Variants in DTX1 observed in about 807,000 individuals in gnomAD.
DTX1 encodes deltex E3 ubiquitin ligase 1, also known as E3 ubiquitin-protein ligase DTX1.
In DTX1, 26 loss-of-function variants were observed where a neutral mutation model predicts 57.8. The observed-to-expected ratio is 0.45, with a 90% CI of 0.33 to 0.62. The LOEUF (loss-of-function observed/expected upper bound fraction) is 0.62, where lower values mean the gene tolerates loss of function less well. DTX1 is among the 20% of genes least tolerant of loss of function. The pLI, the probability that DTX1 is intolerant of heterozygous loss-of-function variation, is 0.02. For missense variants in DTX1, 704 were observed against 895.3 expected (o/e 0.79, Z 2.73); for synonymous variants, 398 against 394.1 (o/e 1.01, Z -0.12).
At chr12:113,065,925 G>A (rs1481553720) in intron 2 of DTX1, among the ~76,000 whole-genome samples, 1 of 152,124 alleles carries the variant, frequency 6.6e-6, no homozygotes, top group East Asian at 1.9e-4. Context: ...TTGGTGCATG[G>A]GGGTGCCTGG....
In DTX1 at chr12:113,097,045, G is replaced by A. The variant is rs934089763; in HGVS notation, c.*106G>A. On this transcript the variant is annotated 3_prime_UTR_variant, in exon 10 of 10. Transcript: ENST00000548759. ...CAGGTTCAGGGCTGGGGAGGAGCCT[G>A]CGGAAGGGGCCGCAGCCATTCAGGG... 3 of 1,277,872 alleles carry A rather than the reference G, an allele frequency of 2.3e-6. No homozygotes were observed. The highest frequency in any genetic ancestry group is 1.5e-5 in the African/African-American group (1 of 67,148). 79.2% of individuals were successfully genotyped at this position (1,277,872 alleles called of 1,614,324 possible).
chr12:113,079,927 G>A (rs1021731211), intron 3 of DTX1, among the ~76,000 whole-genome samples: 2 of 152,090 alleles, frequency 1.3e-5, no homozygotes, highest in African/African-American at 2.4e-5. Context: ...CCTCAGTTTT[G>A]TCATCTGTCA....
intron 3 of DTX1, among the ~76,000 whole-genome samples, chr12:113,083,617 C>T (rs1324081568): frequency 1.3e-5 from 2 of 152,246 alleles, no homozygotes; most frequent in Non-Finnish European, 2.9e-5. Flanking sequence ...TGAGCCACTG[C>T]GCCCGGCCAA....
intron 3 of DTX1, among the ~76,000 whole-genome samples, chr12:113,084,165 G>A (rs1592851247): frequency 6.6e-6 from 1 of 152,200 alleles, no homozygotes; most frequent in Non-Finnish European, 1.5e-5. Flanking sequence ...AACAGACAGG[G>A]CGGGGAGCCA....
At position 113,058,264 on chromosome 12, in the gene DTX1, G is replaced by C. The variant is rs756177831; in HGVS notation, c.72G>C (p.Arg24=). ...GLGFPPQNVA[R]VVVWEWLNEH... ...GCTTCCCACCGCAGAACGTGGCCCG[G>C]GTGGTGGTGTGGGAGTGGCTGAATG... The change falls in exon 2 of 10, where the codon CGG becomes CGC. Residue 24 remains arginine, a synonymous_variant. Coordinates refer to ENST00000548759, the MANE Select transcript of DTX1 (RefSeq NM_004416.3). 3 of 1,613,664 alleles carry C rather than the reference G, an allele frequency of 1.9e-6. No homozygotes were observed. In the African/African-American group the frequency reaches 4.0e-5, roughly 22 times the overall value.
Position 113,063,069 on chromosome 12 carries a change from C to T in DTX1, c.259+4618C>T, listed in dbSNP as rs180958661. On this transcript the variant is annotated intron_variant, in intron 2 of 9. Transcript: ENST00000548759. ...CGAGGGATGGGTCGCTTGCTCGCTT[C>T]GCAGTACTGAGCCAAGTGCCCGGTT... Among the ~76,000 whole-genome samples, 11 of 152,316 alleles carry T rather than the reference C, an allele frequency of 7.2e-5. No individual in the cohort carries two copies. In the East Asian group the frequency reaches 1.5e-3, roughly 21 times the overall value.
intron 2 of DTX1, among the ~76,000 whole-genome samples, chr12:113,069,042 T>G (rs545715923): frequency 2.0e-5 from 3 of 152,354 alleles, no homozygotes; most frequent in African/African-American, 7.2e-5. Context: ...ATTATTATCA[T>G]AACAACCTGC....
intron 3 of DTX1, among the ~76,000 whole-genome samples, chr12:113,081,688 G>A (rs757074315): frequency 6.6e-6 from 1 of 152,160 alleles, no homozygotes; most frequent in East Asian, 1.9e-4. Context: ...AAGGGGGCTC[G>A]AAGGGCGTGG....
intron 3 of DTX1, chr12:113,089,963 C>T (rs1950234328): frequency 6.6e-6 from 1 of 152,198 alleles, no homozygotes; most frequent in African/African-American, 2.4e-5. Context: ...GGGTAGCAAA[C>T]TGGCTATACT....
chr12:113,072,986 C>T (rs1160331707), intron 2 of DTX1, among the ~76,000 whole-genome samples: 1 of 152,102 alleles, frequency 6.6e-6, no homozygotes, highest in Non-Finnish European at 1.5e-5. Context: ...GGATTACAGG[C>T]ATGAGCCACT....
chr12:113,064,363 C>T (rs563375597), intron 2 of DTX1, among the ~76,000 whole-genome samples: 1 of 152,202 alleles, frequency 6.6e-6, no homozygotes, highest in Non-Finnish European at 1.5e-5. Context: ...ACTCCAGAAG[C>T]CTGTTTTGAA....
chr12:113,096,658 T>G (rs1019065953), intron 9 of DTX1, 57 bp from the exon 10 acceptor site: 21 of 1,508,598 alleles, frequency 1.4e-5, no homozygotes, highest in Admixed American at 5.9e-5. Context: ...CTGAGGCTGG[T>G]GGGCTGGAAG....
Position 113,077,297 on chromosome 12 carries a change from T to A in DTX1, c.260-127T>A. ...TGTTGACCCTCTCCCCAAGTCTGGGTGGACCCCCTGGAGGCCTGTGCTGAC... is the reference window on the plus strand; with the variant it reads ...TGTTGACCCTCTCCCCAAGTCTGGGAGGACCCCCTGGAGGCCTGTGCTGAC... On this transcript the variant is annotated intron_variant, in intron 2 of 9. Coordinates refer to ENST00000548759, the MANE Select transcript of DTX1 (RefSeq NM_004416.3). This position sits in a 1 kb window ranked among gnomAD's most constrained non-coding sequence, Gnocchi z 7.8. 9.2e-7 allele frequency: 1 copy of A among 1,082,022 alleles called. No individual in the cohort carries two copies. The highest frequency in any genetic ancestry group is 1.3e-6 in the Non-Finnish European group (1 of 775,244). 67.0% of individuals were successfully genotyped at this position (1,082,022 alleles called of 1,614,324 possible). A position where few individuals can be genotyped will look rare whatever the true frequency, so the allele number is the denominator to read the frequency against.
chr12:113,070,214 A>T (rs996463649), intron 2 of DTX1, among the ~76,000 whole-genome samples: 1 of 152,186 alleles, frequency 6.6e-6, no homozygotes, highest in Non-Finnish European at 1.5e-5. Context: ...GGGGCAGAAA[A>T]GTGTGCTCTC....
Position 113,077,785 on chromosome 12 carries a change from G to A in DTX1, c.621G>A (p.Leu207=), listed in dbSNP as rs778449629. The A allele has an allele frequency of 1.5e-5, 23 of 1,514,852 alleles. No individual in the cohort carries two copies. The South Asian group carries it at 1.8e-4, about 12-fold the overall frequency. 93.8% of individuals were successfully genotyped at this position (1,514,852 alleles called of 1,614,324 possible). A position where few individuals can be genotyped will look rare whatever the true frequency, so the allele number is the denominator to read the frequency against. Residue 207 remains leucine, a synonymous_variant, in exon 3 of 10, where the codon CTG becomes CTA. Coordinates refer to ENST00000548759, the MANE Select transcript of DTX1 (RefSeq NM_004416.3). The surrounding 1 kb of genome is among the most constrained non-coding windows in gnomAD (Gnocchi z 7.8). ...GQPCSCQQCL[L]VNSTRAASNA... ...CCTGCTCCTGCCAGCAGTGCCTGCT[G>A]GTCAACAGCACGCGCGCCGCCTCCA... is the stretch of plus-strand genomic sequence containing the variant.
Position 113,093,055 on chromosome 12 carries a change from A to G in DTX1, c.942-107A>G. On this transcript the variant is annotated intron_variant, in intron 3 of 9. Coordinates refer to ENST00000548759, the MANE Select transcript of DTX1 (RefSeq NM_004416.3). The surrounding 1 kb of genome is among the most constrained non-coding windows in gnomAD (Gnocchi z 4.2). ...CTGCAGTTGGCAGAGAGGTACAAAG[A>G]GGCCAGGGTGTGTGGCCCAGGAGCC... 9.1e-7 allele frequency: 1 copy of G among 1,099,804 alleles called. No homozygotes were observed. The highest frequency in any genetic ancestry group is 1.3e-6 in the Non-Finnish European group (1 of 752,558). The allele number at this position is 1,099,804 out of a possible 1,614,324, so 68.1% of individuals were successfully genotyped here. A position where few individuals can be genotyped will look rare whatever the true frequency, so the allele number is the denominator to read the frequency against.
At chr12:113,079,712 G>GTC (rs2044802557) in intron 3 of DTX1, among the ~76,000 whole-genome samples, 1 of 150,380 alleles carries the variant, frequency 6.6e-6, no homozygotes, top group Admixed American at 6.6e-5. Flanking sequence ...GTGTGTGTGT[G>GTC]TGTGTGTGTG....
chr12:113,094,681 C>T, intron 6 of DTX1, 108 bp from the exon 7 acceptor site: 2 of 1,410,960 alleles, frequency 1.4e-6, no homozygotes, highest in South Asian at 1.4e-5. Context: ...CAAATGGGTA[C>T]CAGAGAGAGT....
chr12:113,068,492 G>A (rs2044719228), intron 2 of DTX1, among the ~76,000 whole-genome samples: 1 of 152,224 alleles, frequency 6.6e-6, no homozygotes, highest in African/African-American at 2.4e-5. Context: ...GGAGGCCAGT[G>A]GGGTGGGGTG....
Sources: allele counts gnomAD v4.1 joint callset (sites outside exome capture counted in the v4.1 genomes callset), GRCh38; gene constraint gnomAD v4.1.1; non-coding constraint Gnocchi (gnomAD v3.1); transcripts MANE v1.5; gene names NCBI Gene and HGNC (gene_info 2026-07-23, HGNC 2026-07-21).